Variants in FUBP3 observed in about 807,000 individuals in gnomAD.
FUBP3 encodes far upstream element-binding protein 3.
A neutral mutation model predicts 85.6 loss-of-function variants in FUBP3; 28 were observed. The ratio of observed to expected loss-of-function variants is 0.33; its 90% confidence interval spans 0.24 to 0.45. FUBP3 has a LOEUF of 0.45. Ranked by LOEUF, FUBP3 falls within the 20% of genes least tolerant of loss-of-function variation. The pLI is 1.00. For missense variants in FUBP3, 583 were observed against 755.1 expected, an observed-to-expected ratio of 0.77 and a Z score of 2.67; for synonymous variants, 271 against 271.4, an observed-to-expected ratio of 1.00 and a Z score of 0.01.
In FUBP3 at chr9:130,638,346, CA is replaced by C. The variant is rs1402512216; in HGVS notation, c.*1327del. Reference sequence around the variant, plus strand: ...AAATCTCCACAAGGCATCTTGTGGGCAAAGTCTTTCTGGCCTGTTTGCTTTC... The same window carrying C: ...AAATCTCCACAAGGCATCTTGTGGGCAAGTCTTTCTGGCCTGTTTGCTTTC... On this transcript the variant is annotated 3_prime_UTR_variant, in exon 19 of 19. Transcript: ENST00000319725. The C allele has an allele frequency of 6.6e-6, 1 of 152,592 alleles. No individual in the cohort carries two copies. Among genetic ancestry groups the C allele is most frequent in the Non-Finnish European group, 1.5e-5 (1 of 68,038 alleles). 9.5% of individuals were successfully genotyped at this position (152,592 alleles called of 1,614,324 possible). A position where few individuals can be genotyped will look rare whatever the true frequency, so the allele number is the denominator to read the frequency against.
chr9:130,586,593 G>A (rs1409302096), intron 1 of FUBP3, among the ~76,000 whole-genome samples: 1 of 152,072 alleles, frequency 6.6e-6, no homozygotes, highest in Admixed American at 6.6e-5. Context: ...AAAATAATGA[G>A]CCAGAGGGAG....
At chr9:130,602,301 C>T (rs922577448) in intron 2 of FUBP3, among the ~76,000 whole-genome samples, 8 of 152,022 alleles carry the variant, frequency 5.3e-5, no homozygotes, top group Non-Finnish European at 7.4e-5. Flanking sequence ...GGGTAAAGGA[C>T]GAATTCTTGG....
intron 12 of FUBP3, among the ~76,000 whole-genome samples, chr9:130,630,307 G>A (rs1050743324): frequency 2.0e-5 from 3 of 152,350 alleles, no homozygotes; most frequent in Non-Finnish European, 2.9e-5. Context: ...GCTCCATGGT[G>A]TAGACCCACA....
chr9:130,609,400 G>C (rs1177634953), intron 2 of FUBP3, among the ~76,000 whole-genome samples: 2 of 151,102 alleles, frequency 1.3e-5, no homozygotes, highest in Non-Finnish European at 2.9e-5. Flanking sequence ...TGTGGAGGTA[G>C]GAGGCTGGAT....
intron 1 of FUBP3, among the ~76,000 whole-genome samples, chr9:130,580,428 C>T (rs566173035): frequency 6.6e-5 from 10 of 152,298 alleles, no homozygotes; most frequent in African/African-American, 2.4e-4. Flanking sequence ...AGGCTCCAGG[C>T]TTCCCCAGAG....
chr9:130,587,069 TTTG>T (rs1564189142), intron 1 of FUBP3, among the ~76,000 whole-genome samples: 1 of 61,754 alleles, frequency 1.6e-5, no homozygotes, highest in African/African-American at 1.0e-4. Flanking sequence ...TTTTTTTTTG[TTTG>T]TTTGTTTTTT....
intron 11 of FUBP3, among the ~76,000 whole-genome samples, chr9:130,625,242 C>T (rs2119106812): frequency 6.6e-6 from 1 of 152,318 alleles, no homozygotes; most frequent in Middle Eastern, 3.4e-3. Context: ...ACTGCAGAGG[C>T]TGCGAGATGT....
At position 130,617,322 on chromosome 9, in the gene FUBP3, G is replaced by A. The variant is rs371095968; in HGVS notation, c.568-475G>A. ...TGCCATCTCATAACCTGGTCCTTGG[G>A]TCCTGGTTGTAAGGATGGTATCCTA... On this transcript the variant is annotated intron_variant, in intron 7 of 18. Coordinates refer to ENST00000319725, the MANE Select transcript of FUBP3 (RefSeq NM_003934.2). Among the ~76,000 whole-genome samples, 4 of 152,316 alleles carry A rather than the reference G, an allele frequency of 2.6e-5. No individual in the cohort carries two copies. In the East Asian group the frequency reaches 5.8e-4, roughly 22 times the overall value.
intron 1 of FUBP3, among the ~76,000 whole-genome samples, chr9:130,582,916 T>G (rs978627676): frequency 6.6e-6 from 1 of 152,228 alleles, no homozygotes; most frequent in South Asian, 2.1e-4. Context: ...AAATAGAAAT[T>G]GTTCTCCGAG....
intron 7 of FUBP3, 117 bp from the exon 8 acceptor site, chr9:130,617,680 C>A (rs1296095366): frequency 1.1e-5 from 8 of 761,422 alleles, no homozygotes; most frequent in Non-Finnish European, 1.9e-5. Flanking sequence ...GAAGGCAGTC[C>A]CTGGTGGTAG....
intron 18 of FUBP3, 126 bp from the exon 19 acceptor site, chr9:130,636,888 C>T: frequency 1.2e-6 from 1 of 805,426 alleles, no homozygotes; most frequent in African/African-American, 1.7e-5. Context: ...GAGAGAAGCC[C>T]AAGACCTCTT....
intron 2 of FUBP3, among the ~76,000 whole-genome samples, chr9:130,599,900 G>A (rs1416340004): frequency 2.6e-5 from 4 of 151,946 alleles, no homozygotes; most frequent in South Asian, 2.1e-4. Context: ...GGCTCCTCCC[G>A]TGCACCTCCT....
intron 1 of FUBP3, among the ~76,000 whole-genome samples, chr9:130,589,675 G>A (rs12005225): frequency 0.096 from 3,200 of 33,188 alleles, 118 homozygotes; most frequent in East Asian, 0.18. Flanking sequence ...GTATGTGTGT[G>A]TATATATATA....
At chr9:130,591,509 A>G (rs1309531309) in intron 1 of FUBP3, among the ~76,000 whole-genome samples, 1 of 152,156 alleles carries the variant, frequency 6.6e-6, no homozygotes, top group Admixed American at 6.5e-5. Flanking sequence ...CATTTTTTGG[A>G]ACAAGGTAGT....
chr9:130,580,276 G>A (rs770320984), intron 1 of FUBP3, among the ~76,000 whole-genome samples: 1 of 152,208 alleles, frequency 6.6e-6, no homozygotes, highest in African/African-American at 2.4e-5. Flanking sequence ...TACATGTGTG[G>A]GGGTGGTCCC....
chr9:130,614,522 C>T (rs1329875041), intron 6 of FUBP3, among the ~76,000 whole-genome samples, 177 bp downstream of exon 6: 1 of 152,106 alleles, frequency 6.6e-6, no homozygotes, highest in Non-Finnish European at 1.5e-5. Context: ...TTTTTGTTAC[C>T]TTAAATACAC....
At position 130,612,338 on chromosome 9, in the gene FUBP3, G is replaced by A. The variant is rs1831789802; in HGVS notation, c.225-118G>A. 1 of 659,174 alleles carries A rather than the reference G, an allele frequency of 1.5e-6. No individual in the cohort carries two copies. Among genetic ancestry groups the A allele is most frequent in the Admixed American group, 2.9e-5 (1 of 34,210 alleles). 40.8% of individuals were successfully genotyped at this position (659,174 alleles called of 1,614,324 possible). A position where few individuals can be genotyped will look rare whatever the true frequency, so the allele number is the denominator to read the frequency against. ...GGTGGTGGATTTGTTGGCCAAATTGGCCTGATGTATTTTAAGCTTTTATCA... is the reference window on the plus strand; with the variant it reads ...GGTGGTGGATTTGTTGGCCAAATTGACCTGATGTATTTTAAGCTTTTATCA... On this transcript the variant is annotated intron_variant, in intron 3 of 18. Coordinates refer to ENST00000319725, the MANE Select transcript of FUBP3 (RefSeq NM_003934.2). This position sits in a 1 kb window ranked among gnomAD's most constrained non-coding sequence, Gnocchi z 4.1.
rs1426456486 is a variant in FUBP3 at position 130,626,473 on chromosome 9, C to T, written c.1085C>T (p.Pro362Leu). 2 of 1,614,062 alleles carry T rather than the reference C, an allele frequency of 1.2e-6. No individual in the cohort carries two copies. The highest frequency in any genetic ancestry group is 2.7e-5 in the African/African-American group (2 of 74,924). ...GTCCAGGAGATAACATACACGGTGC[C>T]AGCCGATAAGTGTGGCCTCGTCATA... ...GGVQEITYTVPADKCGLVIGK... is the reference protein window; with the variant it reads ...GGVQEITYTVLADKCGLVIGK... Residue 362 changes from proline (P) to leucine (L), a missense_variant, in exon 12 of 19, where the codon CCA becomes CTA. Transcript: ENST00000319725.
intron 8 of FUBP3, among the ~76,000 whole-genome samples, chr9:130,619,302 C>CT (rs1564213614): frequency 6.7e-5 from 9 of 134,770 alleles, no homozygotes; most frequent in Non-Finnish European, 1.2e-4. Flanking sequence ...CTGTATATTT[C>CT]ATTTTTTTTT....
Sources: gnomAD v4.1 joint callset for allele counts (sites outside exome capture counted in the v4.1 genomes callset) on GRCh38, gnomAD v4.1.1 for gene constraint, Gnocchi (gnomAD v3.1) non-coding constraint, MANE v1.5 for transcripts, NCBI Gene and HGNC (gene_info 2026-07-23, HGNC 2026-07-21) for gene names.